The following CEP20 variants were observed in gnomAD, a reference collection of about 807,000 sequenced individuals.
CEP20 encodes the protein FGFR1OP N-terminal like.
A neutral mutation model predicts 20.0 loss-of-function variants in CEP20; 18 were observed. The ratio of observed to expected loss-of-function variants is 0.90; its 90% CI spans 0.62 to 1.34. The LOEUF is 1.34. Among genes scored for constraint, CEP20 ranks in the 40% most tolerant of loss-of-function variants. CEP20 has a pLI of 0.00. For synonymous variants in CEP20, 77 were observed against 73.7 expected (o/e 1.04, Z -0.23); for missense variants, 215 against 201.6 (o/e 1.07, Z -0.40).
chr16:15,876,233 T>C (rs1252079659), intron 3 of CEP20, among the ~76,000 whole-genome samples: 1 of 151,334 alleles, frequency 6.6e-6, no homozygotes, highest in Non-Finnish European at 1.5e-5. Flanking sequence ...ATCCTAGCAC[T>C]TTGGGAGGCC....
chr16:15,886,329 C>T (rs530162895), intron 1 of CEP20, among the ~76,000 whole-genome samples: 21 of 152,278 alleles, frequency 1.4e-4, no homozygotes, highest in African/African-American at 4.8e-4. Context: ...TTAAAGCATC[C>T]CTTCAACCTT....
In CEP20 at chr16:15,873,671, C is replaced by A. The variant is rs200869961; in HGVS notation, c.312-44G>T. ...AAAACAAAACCAAAAGCTAATAAAT[C>A]TGCATAAACGGGAAAAGCTTAAAAC... On this transcript the variant is annotated intron_variant, in intron 3 of 4. Coordinates refer to ENST00000255759, the MANE Select transcript of CEP20 (RefSeq NM_144600.4). 8.9e-5 allele frequency: 140 copies of A among 1,570,952 alleles called. No individual in the cohort carries two copies. The African/African-American group carries it at 1.9e-3, about 21-fold the overall frequency.
chr16:15,869,034 C>T (rs1007092563), intron 4 of CEP20, among the ~76,000 whole-genome samples: 1 of 150,898 alleles, frequency 6.6e-6, no homozygotes, highest in Admixed American at 6.6e-5. Context: ...TGTCACTGCA[C>T]TCCAGCCTGG....
At chr16:15,868,052 C>CT (rs34672251) in intron 4 of CEP20, among the ~76,000 whole-genome samples, 9,707 of 149,250 alleles carry the variant, frequency 0.065, 422 homozygotes, top group East Asian at 0.22. Flanking sequence ...AGTTTCTTGA[C>CT]TTTTTTTTTG....
At chr16:15,869,229 T>G (rs913994671) in intron 4 of CEP20, among the ~76,000 whole-genome samples, 19 of 151,918 alleles carry the variant, frequency 1.3e-4, no homozygotes, top group African/African-American at 4.6e-4. Flanking sequence ...TAAACCCTCT[T>G]CATTTTTTTT....
chr16:15,885,551 AC>A (rs1330981234), intron 1 of CEP20: 1 of 151,938 alleles, frequency 6.6e-6, no homozygotes, highest in African/African-American at 2.4e-5. Context: ...CGATACCACG[AC>A]TGGCTAATTT....
chr16:15,873,969 A>G (rs2044883963), intron 3 of CEP20, among the ~76,000 whole-genome samples: 1 of 152,194 alleles, frequency 6.6e-6, no homozygotes, highest in Admixed American at 6.6e-5. Context: ...CATCTAATAC[A>G]CAACAGGTAT....
intron 2 of CEP20, among the ~76,000 whole-genome samples, chr16:15,880,645 T>C (rs143410641): frequency 1.2e-3 from 177 of 152,250 alleles, no homozygotes; most frequent in African/African-American, 4.0e-3. Context: ...CGGTTCCATC[T>C]ACAGCAAGGG....
At chr16:15,869,497 G>C (rs1033571539) in intron 4 of CEP20, among the ~76,000 whole-genome samples, 1 of 152,010 alleles carries the variant, frequency 6.6e-6, no homozygotes, top group Non-Finnish European at 1.5e-5. Context: ...TTTCAGTAGA[G>C]ACAGGGTTTC....
intron 4 of CEP20, among the ~76,000 whole-genome samples, chr16:15,871,285 AAAAT>A (rs1305210805): frequency 6.6e-6 from 1 of 151,430 alleles, no homozygotes; most frequent in Admixed American, 6.6e-5. Context: ...AAAATAAAAT[AAAAT>A]AAATAAAATA....
At chr16:15,869,037 C>T (rs2044750213) in intron 4 of CEP20, among the ~76,000 whole-genome samples, 1 of 149,892 alleles carries the variant, frequency 6.7e-6, no homozygotes, top group African/African-American at 2.5e-5. Context: ...CACTGCACTC[C>T]AGCCTGGGAG....
chr16:15,867,724 G>A (rs1332789649), intron 4 of CEP20, among the ~76,000 whole-genome samples: 1 of 152,204 alleles, frequency 6.6e-6, no homozygotes, highest in Non-Finnish European at 1.5e-5. Context: ...TGTAATCCCA[G>A]TACTTTGGGA....
chr16:15,870,655 A>C (rs1196458072), intron 4 of CEP20, among the ~76,000 whole-genome samples: 2 of 152,066 alleles, frequency 1.3e-5, no homozygotes, highest in Non-Finnish European at 2.9e-5. Context: ...TGACTGCAAA[A>C]AATTAAAAAA....
intron 3 of CEP20, chr16:15,877,155 T>G (rs1194512881): frequency 6.6e-6 from 1 of 152,382 alleles, no homozygotes; most frequent in East Asian, 1.9e-4. Context: ...CCCGGCCTTC[T>G]TTTTTAAAAA....
chr16:15,885,125 G>A (rs1312007539), intron 1 of CEP20: 3 of 151,692 alleles, frequency 2.0e-5, no homozygotes, highest in Admixed American at 1.3e-4. Flanking sequence ...CTAACAAGGT[G>A]AAATCCCCCT....
rs533601912 is a variant in CEP20 at position 15,888,594 on chromosome 16, G to A, written c.-9C>T. The A allele has an allele frequency of 1.1e-5, 17 of 1,613,968 alleles. No individual in the cohort carries two copies. In the African/African-American group the frequency reaches 1.7e-4, roughly 16 times the overall value. ...TCTGCCACAGTCGCCATTTTTCAAC[G>A]GCCGCCAGGGCCGCACCGCGGCCCT... On this transcript the variant is annotated 5_prime_UTR_variant, in exon 1 of 5. Coordinates refer to ENST00000255759, the MANE Select transcript of CEP20 (RefSeq NM_144600.4).
chr16:15,881,239 C>A lies in CEP20; in HGVS notation c.227-1351G>T, dbSNP rs184037743. Among the ~76,000 whole-genome samples, 29 of 152,114 alleles carry A rather than the reference C, an allele frequency of 1.9e-4. 1 individual carries two copies. Among genetic ancestry groups the A allele is most frequent in the Admixed American group, 1.6e-3 (24 of 15,278 alleles). ...AAATTTTATTGTATGTAAATTATAT[C>A]CCAGTTTTTTAAAAAAAGCCAAACC... On this transcript the variant is annotated intron_variant, in intron 2 of 4. Coordinates refer to ENST00000255759, the MANE Select transcript of CEP20 (RefSeq NM_144600.4).
At chr16:15,882,869 GT>G (rs1224996198) in intron 2 of CEP20, 1 of 151,488 alleles carries the variant, frequency 6.6e-6, no homozygotes, top group Non-Finnish European at 1.5e-5. Flanking sequence ...AGAGACAGGA[GT>G]TGGACCAGCC....
intron 3 of CEP20, 55 bp downstream of exon 3, chr16:15,879,749 G>A: frequency 1.0e-6 from 1 of 973,148 alleles, no homozygotes; most frequent in Non-Finnish European, 1.6e-6. Flanking sequence ...AAACCACCAT[G>A]GTGCAATTAT....
Sources: gnomAD v4.1 joint callset for allele counts (sites outside exome capture counted in the v4.1 genomes callset) on GRCh38, gnomAD v4.1.1 for gene constraint, MANE v1.5 for transcripts, NCBI Gene and HGNC (gene_info 2026-07-23, HGNC 2026-07-21) for gene names.